Variants in HCN1 observed in about 807,000 individuals in gnomAD.
HCN1 encodes hyperpolarization activated cyclic nucleotide gated potassium channel 1.
Under a neutral mutation model 78.9 loss-of-function variants are expected in HCN1, and 13 were observed. The observed-to-expected ratio is 0.16, with a 90% CI of 0.11 to 0.26. The LOEUF is 0.26. HCN1 is among the 10% of genes least tolerant of loss of function. HCN1 has a pLI of 1.00. For missense variants in HCN1, 810 were observed against 1,154.3 expected (o/e 0.70, Z 4.32); for synonymous variants, 552 against 455.5 (o/e 1.21, Z -2.70).
chr5:45,333,011 G>A (rs1561110459), intron 5 of HCN1, among the ~76,000 whole-genome samples: 1 of 151,718 alleles, frequency 6.6e-6, no homozygotes, highest in Non-Finnish European at 1.5e-5. Context: ...ACCCAGCAGT[G>A]GGATTGCTGG....
At chr5:45,528,834 A>T (rs2111798099) in intron 2 of HCN1, among the ~76,000 whole-genome samples, 1 of 152,084 alleles carries the variant, frequency 6.6e-6, no homozygotes, top group East Asian at 1.9e-4. Flanking sequence ...TTAAAATTGA[A>T]AGTATATGTT....
intron 6 of HCN1, among the ~76,000 whole-genome samples, chr5:45,298,847 T>G (rs1745550215): frequency 6.6e-6 from 1 of 151,958 alleles, no homozygotes; most frequent in Non-Finnish European, 1.5e-5. Context: ...TGGAGATGTC[T>G]GACAAACCCT....
intron 2 of HCN1, chr5:45,557,867 C>T (rs1366021739): frequency 6.6e-6 from 1 of 151,988 alleles, no homozygotes; most frequent in Non-Finnish European, 1.5e-5. Flanking sequence ...ATTGGACCTC[C>T]CCGTTCCCTG....
intron 5 of HCN1, among the ~76,000 whole-genome samples, chr5:45,339,627 TATCA>T: frequency 6.6e-6 from 1 of 152,300 alleles, no homozygotes; most frequent in East Asian, 1.9e-4. Context: ...TTGGGTTTTA[TATCA>T]ATCAATATGG....
intron 5 of HCN1, among the ~76,000 whole-genome samples, chr5:45,348,033 T>G (rs962447588): frequency 4.6e-5 from 7 of 151,998 alleles, no homozygotes; most frequent in Non-Finnish European, 1.0e-4. Context: ...AGATACTCCT[T>G]GAGAAGAGCA....
intron 1 of HCN1, among the ~76,000 whole-genome samples, chr5:45,650,554 TA>T (rs1745656309): frequency 6.6e-6 from 1 of 152,004 alleles, no homozygotes; most frequent in South Asian, 2.1e-4. Context: ...AGCAAAATCA[TA>T]ATCTAGGTAA....
intron 4 of HCN1, among the ~76,000 whole-genome samples, chr5:45,373,981 C>A (rs1309551459): frequency 1.0e-5 from 1 of 96,192 alleles, no homozygotes; most frequent in Non-Finnish European, 1.9e-5. Flanking sequence ...ACAGTAGATA[C>A]ATAATATATA....
At chr5:45,588,210 G>A (rs1251337431) in intron 2 of HCN1, among the ~76,000 whole-genome samples, 1 of 151,952 alleles carries the variant, frequency 6.6e-6, no homozygotes, top group Non-Finnish European at 1.5e-5. Context: ...TAAATAGCAG[G>A]GAAGTCAAGA....
At chr5:45,326,253 G>T (rs1579813147) in intron 5 of HCN1, among the ~76,000 whole-genome samples, 1 of 151,426 alleles carries the variant, frequency 6.6e-6, no homozygotes, top group East Asian at 1.9e-4. Flanking sequence ...ATAAACAACT[G>T]AAAATGTATA....
chr5:45,601,649 T>C (rs183116297), intron 2 of HCN1, among the ~76,000 whole-genome samples: 320 of 152,306 alleles, frequency 2.1e-3, no homozygotes, highest in Admixed American at 3.6e-3. Context: ...TTAGAAACGC[T>C]GTCTGAGCTC....
rs1253079464 is a variant in HCN1 at position 45,470,224 on chromosome 5, C to G, written c.850-8217G>C. Among the ~76,000 whole-genome samples, 3 of 151,958 alleles carry G rather than the reference C, an allele frequency of 2.0e-5. No homozygotes were observed. The East Asian group carries it at 5.8e-4, about 29-fold the overall frequency. ...TGAGTGGGTTTGTGTCAGAGATGCT[C>G]TGGAAGAAACAGAGGTGTTGGTTTG... On this transcript the variant is annotated intron_variant, in intron 2 of 7. Coordinates refer to ENST00000303230, the MANE Select transcript of HCN1 (RefSeq NM_021072.4).
At chr5:45,525,554 A>G (rs1355082618) in intron 2 of HCN1, among the ~76,000 whole-genome samples, 1 of 151,868 alleles carries the variant, frequency 6.6e-6, no homozygotes, top group Admixed American at 6.6e-5. Context: ...TTCTATTTTA[A>G]ATAAGAACAA....
At chr5:45,641,787 TA>T (rs919607897) in intron 2 of HCN1, 10 of 152,258 alleles carry the variant, frequency 6.6e-5, no homozygotes, top group African/African-American at 2.4e-4. Flanking sequence ...TCAGCAGCTG[TA>T]AAGGAACTCT....
At chr5:45,596,057 G>A (rs2005147) in intron 2 of HCN1, among the ~76,000 whole-genome samples, 71,179 of 151,282 alleles carry the variant, frequency 0.47, 18,881 homozygotes, top group Non-Finnish European at 0.58. Context: ...AACCACACCC[G>A]GCTAATTTTT....
At chr5:45,305,719 T>G (rs1745719568) in intron 5 of HCN1, among the ~76,000 whole-genome samples, 4 of 136,784 alleles carry the variant, frequency 2.9e-5, no homozygotes, top group East Asian at 2.2e-4. Context: ...AGGGAGCAGG[T>G]GGGAAGGAAA....
At chr5:45,429,096 A>T (rs1192190952) in intron 3 of HCN1, among the ~76,000 whole-genome samples, 1 of 152,146 alleles carries the variant, frequency 6.6e-6, no homozygotes, top group Non-Finnish European at 1.5e-5. Flanking sequence ...AATTATTATT[A>T]TCTTTATAGG....
At chr5:45,659,876 C>G (rs1425257883) in intron 1 of HCN1, among the ~76,000 whole-genome samples, 1 of 136,048 alleles carries the variant, frequency 7.4e-6, no homozygotes, top group East Asian at 2.3e-4. Flanking sequence ...TTGGAAAACA[C>G]TCTGCAGGAT....
chr5:45,673,924 G>T (rs922481960), intron 1 of HCN1, among the ~76,000 whole-genome samples: 1 of 151,372 alleles, frequency 6.6e-6, no homozygotes, highest in Non-Finnish European at 1.5e-5. Flanking sequence ...ATGAAATTAT[G>T]TGCCCCTAAA....
chr5:45,524,209 C>T (rs1742677660), intron 2 of HCN1, among the ~76,000 whole-genome samples: 1 of 152,112 alleles, frequency 6.6e-6, no homozygotes, highest in Non-Finnish European at 1.5e-5. Context: ...TGTTCTGTTC[C>T]ATTGATCTAT....
Sources: gnomAD v4.1 joint callset for allele counts (sites outside exome capture counted in the v4.1 genomes callset) on GRCh38, gnomAD v4.1.1 for gene constraint, MANE v1.5 for transcripts, NCBI Gene and HGNC (gene_info 2026-07-23, HGNC 2026-07-21) for gene names.